PRKN: variants seen among roughly 807,000 people sequenced by gnomAD.
PRKN encodes the protein parkin RBR E3 ubiquitin protein ligase.
PRKN carries 56 observed loss-of-function variants against 59.5 expected under a neutral mutation model. The ratio of observed to expected loss-of-function variants is 0.94; its 90% CI spans 0.76 to 1.18. The LOEUF is 1.18. PRKN is among the 50% of genes most tolerant of loss of function. The probability of loss-of-function intolerance (pLI) is 0.00; values close to 1 mark genes in which losing one functional copy is unlikely to be tolerated. For synonymous variants in PRKN, 250 were observed against 222.1 expected (o/e 1.13, Z -1.12); for missense variants, 657 against 596.4 (o/e 1.10, Z -1.06).
intron 1 of PRKN, among the ~76,000 whole-genome samples, chr6:162,628,031 G>A (rs936078854): frequency 6.6e-5 from 10 of 152,086 alleles, no homozygotes; most frequent in South Asian, 4.1e-4. Flanking sequence ...TCATGAGGTC[G>A]ACAGAAGAAA....
intron 6 of PRKN, among the ~76,000 whole-genome samples, chr6:161,900,876 C>G (rs1314395362): frequency 7.4e-6 from 1 of 135,884 alleles, no homozygotes; most frequent in Non-Finnish European, 1.5e-5. Context: ...ATATACAATA[C>G]ATAATATATA....
At chr6:161,430,136 C>A (rs1393084997) in intron 9 of PRKN, among the ~76,000 whole-genome samples, 1 of 152,156 alleles carries the variant, frequency 6.6e-6, no homozygotes, top group Non-Finnish European at 1.5e-5. Flanking sequence ...AGCAGGACTG[C>A]CATTGTCAAC....
chr6:161,708,830 T>C (rs1786622171), intron 7 of PRKN, among the ~76,000 whole-genome samples: 1 of 152,214 alleles, frequency 6.6e-6, no homozygotes, highest in Non-Finnish European at 1.5e-5. Flanking sequence ...ACGAATAATG[T>C]TGCCCAATGC....
chr6:162,098,454 C>A (rs1055647050), intron 4 of PRKN, among the ~76,000 whole-genome samples: 1 of 152,124 alleles, frequency 6.6e-6, no homozygotes, highest in Admixed American at 6.5e-5. Flanking sequence ...TGGGATGCAT[C>A]AACTGATTTT....
At chr6:161,880,906 C>T (rs923719930) in intron 6 of PRKN, among the ~76,000 whole-genome samples, 7 of 152,188 alleles carry the variant, frequency 4.6e-5, no homozygotes, top group African/African-American at 7.2e-5. Context: ...GTTATAAGGA[C>T]GTGGGAGATT....
chr6:162,293,326 G>A (rs1231260703), intron 2 of PRKN, among the ~76,000 whole-genome samples: 1 of 152,122 alleles, frequency 6.6e-6, no homozygotes, highest in Non-Finnish European at 1.5e-5. Flanking sequence ...TTCTCAAAGG[G>A]GCCCAAGTTT....
At chr6:161,865,663 C>G (rs1426212946) in intron 6 of PRKN, among the ~76,000 whole-genome samples, 1 of 152,202 alleles carries the variant, frequency 6.6e-6, no homozygotes, top group Non-Finnish European at 1.5e-5. Context: ...TCTCATGCAA[C>G]TTTCTCACCT....
chr6:162,074,732 T>C (rs927918429), intron 4 of PRKN, among the ~76,000 whole-genome samples: 1 of 152,144 alleles, frequency 6.6e-6, no homozygotes, highest in Non-Finnish European at 1.5e-5. Context: ...ACACAGTCAA[T>C]CACCATCATT....
At chr6:162,606,327 T>C (rs897307493) in intron 1 of PRKN, among the ~76,000 whole-genome samples, 20 of 152,220 alleles carry the variant, frequency 1.3e-4, no homozygotes, top group Non-Finnish European at 2.9e-4. Context: ...CTTAGAGCGC[T>C]TAGATTATAG....
At chr6:161,716,113 A>T (rs2128183840) in intron 7 of PRKN, 1 of 1,347,790 alleles carries the variant, frequency 7.4e-7, no homozygotes, top group Admixed American at 1.9e-5. Flanking sequence ...TCCTCTAAGC[A>T]CCACTGTGTC....
chr6:162,540,676 G>A (rs897986372), intron 1 of PRKN, among the ~76,000 whole-genome samples: 5 of 151,678 alleles, frequency 3.3e-5, no homozygotes, highest in Non-Finnish European at 2.9e-5. Flanking sequence ...GCATGGTGGT[G>A]GGTGCCTGTA....
chr6:161,818,066 T>C (rs1411257233), intron 6 of PRKN, among the ~76,000 whole-genome samples: 2 of 152,188 alleles, frequency 1.3e-5, no homozygotes, highest in Non-Finnish European at 2.9e-5. Flanking sequence ...ATGCATTTTA[T>C]TACTCTGACG....
chr6:161,977,460 T>C (rs1781074314), intron 5 of PRKN, among the ~76,000 whole-genome samples: 1 of 152,006 alleles, frequency 6.6e-6, no homozygotes, highest in Admixed American at 6.6e-5. Context: ...AGGGAAACAT[T>C]GTCTTTATTA....
intron 7 of PRKN, among the ~76,000 whole-genome samples, chr6:161,618,915 T>C (rs565580429): frequency 6.6e-6 from 1 of 152,252 alleles, no homozygotes; most frequent in Admixed American, 6.5e-5. Flanking sequence ...AAGGGCGCCA[T>C]GGAGCTGCCA....
At chr6:162,155,985 T>C (rs1005535916) in intron 4 of PRKN, among the ~76,000 whole-genome samples, 2 of 152,106 alleles carry the variant, frequency 1.3e-5, no homozygotes, top group Non-Finnish European at 2.9e-5. Flanking sequence ...TTTGATTTCT[T>C]CCAAACAGAC....
intron 1 of PRKN, among the ~76,000 whole-genome samples, chr6:162,637,572 T>C (rs946924744): frequency 6.6e-6 from 1 of 152,110 alleles, no homozygotes; most frequent in Non-Finnish European, 1.5e-5. Flanking sequence ...GGACATTCCT[T>C]CTATCCACAC....
At chr6:161,892,652 T>C (rs1777451541) in intron 6 of PRKN, among the ~76,000 whole-genome samples, 1 of 152,028 alleles carries the variant, frequency 6.6e-6, no homozygotes, top group Non-Finnish European at 1.5e-5. Flanking sequence ...GGCAGGAGGA[T>C]CTCCTGAGCG....
chr6:161,418,541 C>T (rs1562435031), intron 9 of PRKN, among the ~76,000 whole-genome samples: 1 of 152,168 alleles, frequency 6.6e-6, no homozygotes, highest in Non-Finnish European at 1.5e-5. Flanking sequence ...AGAACAGGAG[C>T]TTCTTTTAGT....
At chr6:162,572,440 G>C (rs576879530) in intron 1 of PRKN, among the ~76,000 whole-genome samples, 1 of 152,254 alleles carries the variant, frequency 6.6e-6, no homozygotes, top group South Asian at 2.1e-4. Flanking sequence ...AGCTCCTCTT[G>C]CTCCAGCTGT....
Sources: gnomAD v4.1 joint callset for allele counts (sites outside exome capture counted in the v4.1 genomes callset) on GRCh38, gnomAD v4.1.1 for gene constraint, MANE v1.5 for transcripts, NCBI Gene and HGNC (gene_info 2026-07-23, HGNC 2026-07-21) for gene names.